FAM53A: variants seen among roughly 807,000 people sequenced by gnomAD.
The protein encoded by FAM53A is protein FAM53A.
FAM53A carries 28 observed loss-of-function variants against 26.6 expected under a neutral mutation model. The ratio of observed to expected loss-of-function variants is 1.05; its 90% CI spans 0.78 to 1.45. FAM53A has a LOEUF of 1.45. FAM53A is among the 40% of genes most tolerant of loss of function. The pLI is 0.00. For synonymous variants in FAM53A, 290 were observed against 253.1 expected (o/e 1.15, Z -1.38); for missense variants, 650 against 575.8 (o/e 1.13, Z -1.32).
At chr4:1,668,631 G>A (rs758972625) in intron 2 of FAM53A, 36 bp downstream of exon 2, 3 of 1,612,222 alleles carry the variant, frequency 1.9e-6, no homozygotes, top group East Asian at 4.5e-5. Flanking sequence ...GCACGGGGGA[G>A]GGGCACCCAG....
At chr4:1,637,896 G>T (rs191883716), downstream of FAM53A, among the ~76,000 whole-genome samples, 1 of 151,976 alleles carries the variant, frequency 6.6e-6, no homozygotes, top group Non-Finnish European at 1.5e-5. Flanking sequence ...GCTGCACTGT[G>T]CCTCAGGCCC....
At chr4:1,610,494 CCT>C in the FAM53A span, among the ~76,000 whole-genome samples, 14 of 152,172 alleles carry the variant, frequency 9.2e-5, no homozygotes, top group Non-Finnish European at 1.8e-4. Flanking sequence ...CAGCAGGGCC[CCT>C]GTTTTCGGGG....
downstream of FAM53A, among the ~76,000 whole-genome samples, chr4:1,613,282 G>A (rs565045697): frequency 6.6e-6 from 1 of 152,334 alleles, no homozygotes; most frequent in Admixed American, 6.5e-5. Context: ...TTTGGTGTCT[G>A]GCGAGGGCCC....
chr4:1,646,170 G>A (rs538541944), intron 4 of FAM53A, among the ~76,000 whole-genome samples: 1 of 151,906 alleles, frequency 6.6e-6, no homozygotes, highest in Non-Finnish European at 1.5e-5. Flanking sequence ...GCGCGGTCTC[G>A]GCTCACTGCA....
intron 3 of FAM53A, 25 bp from the exon 4 acceptor site, chr4:1,655,748 A>C (rs1713322569): frequency 1.3e-6 from 2 of 1,519,156 alleles, no homozygotes; most frequent in Non-Finnish European, 1.8e-6. Context: ...ACAAAGAGGC[A>C]GGGGAAGAGA....
intron 1 of FAM53A, among the ~76,000 whole-genome samples, chr4:1,625,516 C>T (rs1280511885): frequency 2.7e-5 from 2 of 74,510 alleles, no homozygotes; most frequent in Non-Finnish European, 4.8e-5. Flanking sequence ...TCCCGGCCCA[C>T]GTGGTCAGGG....
chr4:1,614,741 G>C (rs1447144969), downstream of FAM53A, among the ~76,000 whole-genome samples: 1 of 152,116 alleles, frequency 6.6e-6, no homozygotes, highest in Non-Finnish European at 1.5e-5. Context: ...TCAATACCCG[G>C]CCCTGCTTTA....
chr4:1,603,704 C>T, the FAM53A span, among the ~76,000 whole-genome samples: 1 of 152,182 alleles, frequency 6.6e-6, no homozygotes, highest in Non-Finnish European at 1.5e-5. Context: ...AGTGTGTGTG[C>T]GGCCTGCAGC....
chr4:1,672,216 TCCAGG>T (rs1714722589), intron 1 of FAM53A, among the ~76,000 whole-genome samples: 6 of 67,056 alleles, frequency 8.9e-5, no homozygotes, highest in African/African-American at 2.8e-4. Flanking sequence ...AACCCACAGA[TCCAGG>T]AACCCATGAA....
the FAM53A span, among the ~76,000 whole-genome samples, chr4:1,596,441 G>A: frequency 9.1e-6 from 1 of 110,436 alleles, no homozygotes. Context: ...GCCAAGCTGT[G>A]GCCAGTGTCA....
chr4:1,613,749 C>G (rs965407642), downstream of FAM53A, among the ~76,000 whole-genome samples: 7 of 152,244 alleles, frequency 4.6e-5, no homozygotes, highest in South Asian at 4.2e-4. Context: ...CCATCAGGAG[C>G]CACAGGAGAA....
At chr4:1,679,431 G>A (rs1715256570) in intron 1 of FAM53A, among the ~76,000 whole-genome samples, 1 of 146,250 alleles carries the variant, frequency 6.8e-6, no homozygotes, top group African/African-American at 2.6e-5. Flanking sequence ...GTTCATGCCT[G>A]TAATCCCACT....
the FAM53A span, among the ~76,000 whole-genome samples, chr4:1,580,505 G>C: frequency 6.6e-6 from 1 of 151,424 alleles, no homozygotes; most frequent in African/African-American, 2.4e-5. Context: ...CGGAGCCCCA[G>C]ACCCCACCCG....
At chr4:1,635,836 CTTTTTT>C (rs141715501), downstream of FAM53A, among the ~76,000 whole-genome samples, 5 of 81,490 alleles carry the variant, frequency 6.1e-5, no homozygotes, top group Non-Finnish European at 8.6e-5. Flanking sequence ...AATACTAATT[CTTTTTT>C]TTTTTTTTTT....
chr4:1,610,123 C>T, the FAM53A span, among the ~76,000 whole-genome samples: 1 of 151,886 alleles, frequency 6.6e-6, no homozygotes, highest in East Asian at 1.9e-4. Context: ...ACCTATAACC[C>T]CTCATCATGG....
chr4:1,668,889 C>G lies in FAM53A; in HGVS notation c.-148G>C, dbSNP rs1714436101. 2 of 630,986 alleles carry G rather than the reference C, an allele frequency of 3.2e-6. No individual in the cohort carries two copies. Among genetic ancestry groups the G allele is most frequent in the Non-Finnish European group, 5.5e-6 (2 of 362,198 alleles). The allele number at this position is 630,986 out of a possible 1,614,324, so 39.1% of individuals were successfully genotyped here. ...CAGATGAGCAGTCCACGCCCACGGG[C>G]TCTTCAGGATTTGTGCCTGTTTCTC... On this transcript the variant is annotated 5_prime_UTR_variant, in exon 2 of 5. Coordinates refer to ENST00000308132, the MANE Select transcript of FAM53A (RefSeq NM_001174070.3).
chr4:1,681,895 C>G (rs752333770), intron 1 of FAM53A, among the ~76,000 whole-genome samples: 8 of 152,186 alleles, frequency 5.3e-5, no homozygotes, highest in Non-Finnish European at 1.2e-4. Flanking sequence ...AAAAGATAAA[C>G]TGCACCAAGT....
chr4:1,594,650 C>T, the FAM53A span, among the ~76,000 whole-genome samples: 1 of 152,166 alleles, frequency 6.6e-6, no homozygotes, highest in Non-Finnish European at 1.5e-5. Flanking sequence ...GGAGAACAGC[C>T]TGGGCAACAT....
rs1159190763 is a variant in FAM53A, at chr4:1,657,276, A to G, written c.136+132T>C. ...GGCAGCAGGGACCACCCCACGCCCC[A>G]GTGCAGGGCACACGAACACCTTCCT... On this transcript the variant is annotated intron_variant, in intron 3 of 4. Coordinates refer to ENST00000308132, the MANE Select transcript of FAM53A (RefSeq NM_001174070.3). 6.4e-6 allele frequency: 5 copies of G among 785,184 alleles called. No individual in the cohort carries two copies. The African/African-American group carries it at 8.8e-5, about 14-fold the overall frequency. The allele number at this position is 785,184 out of a possible 1,614,324, so 48.6% of individuals were successfully genotyped here.
Sources: gnomAD v4.1 joint callset for allele counts (sites outside exome capture counted in the v4.1 genomes callset) on GRCh38, gnomAD v4.1.1 for gene constraint, MANE v1.5 for transcripts, NCBI Gene and HGNC (gene_info 2026-07-23, HGNC 2026-07-21) for gene names.